Variants in USP14 observed in about 807,000 individuals in gnomAD.
USP14 encodes ubiquitin carboxyl-terminal hydrolase 14.
USP14 carries 38 observed loss-of-function variants against 76.5 expected under a neutral mutation model. The observed-to-expected ratio is 0.50, with a 90% CI of 0.38 to 0.65. The LOEUF is 0.65. USP14 is among the 30% of genes least tolerant of loss of function. The probability of loss-of-function intolerance (pLI) is 0.00; values close to 1 mark genes in which losing one functional copy is unlikely to be tolerated. For synonymous variants in USP14, 192 were observed against 191.7 expected (o/e 1.00, Z -0.01); for missense variants, 467 against 586.5 (o/e 0.80, Z 2.10).
At chr18:175,499 C>T (rs1909602966) in intron 3 of USP14, among the ~76,000 whole-genome samples, 1 of 152,128 alleles carries the variant, frequency 6.6e-6, no homozygotes, top group South Asian at 2.1e-4. Context: ...TATATCATTT[C>T]TTCCTCTCAT....
chr18:168,938 A>T (rs962680435), intron 3 of USP14, among the ~76,000 whole-genome samples: 1 of 151,570 alleles, frequency 6.6e-6, no homozygotes, highest in African/African-American at 2.4e-5. Flanking sequence ...TTAGCCGTGC[A>T]TGGTGGCAGG....
chr18:164,960 T>C (rs1909226781), intron 2 of USP14, among the ~76,000 whole-genome samples: 1 of 152,134 alleles, frequency 6.6e-6, no homozygotes, highest in South Asian at 2.1e-4. Flanking sequence ...ATTATTATTT[T>C]TTTTGGGATT....
At chr18:210,604 C>G (rs1008476389) in intron 15 of USP14, 111 bp downstream of exon 15, 3 of 627,146 alleles carry the variant, frequency 4.8e-6, no homozygotes, top group East Asian at 3.1e-5. Context: ...ACTTTACATT[C>G]TTGAAGCCCC....
intron 3 of USP14, among the ~76,000 whole-genome samples, chr18:171,050 A>ATATATATATATATG (rs1568416852): frequency 7.1e-6 from 1 of 140,096 alleles, no homozygotes; most frequent in African/African-American, 2.7e-5. Context: ...ATATATATAT[A>ATATATATATATATG]TATATAAACT....
chr18:197,803 G>A (rs1910279326), intron 8 of USP14, 107 bp downstream of exon 8: 1 of 855,936 alleles, frequency 1.2e-6, no homozygotes, highest in Non-Finnish European at 1.8e-6. Context: ...ATAGGTAGAT[G>A]TGTATTTAAA....
rs1910712590 is a variant in USP14, at chr18:212,943, A to C, written c.*1659A>C. The C allele has an allele frequency of 6.6e-6, 1 of 152,238 alleles. No homozygotes were observed. The highest frequency in any genetic ancestry group is 6.5e-5 in the Admixed American group (1 of 15,282). 9.4% of individuals were successfully genotyped at this position (152,238 alleles called of 1,614,324 possible). A position where few individuals can be genotyped will look rare whatever the true frequency, so the allele number is the denominator to read the frequency against. On this transcript the variant is annotated 3_prime_UTR_variant, in exon 16 of 16. Coordinates refer to ENST00000261601, the MANE Select transcript of USP14 (RefSeq NM_005151.4). ...GAAAATAACAGCCATTTTACTTTCA[A>C]ATCTGATGTGATGCAATCTGTGAAC...
At chr18:205,840 A>G (rs182124906) in intron 13 of USP14, among the ~76,000 whole-genome samples, 1 of 152,196 alleles carries the variant, frequency 6.6e-6, no homozygotes, top group African/African-American at 2.4e-5. Flanking sequence ...AACCTTTCTC[A>G]CTCAGCATAA....
chr18:196,677 C>G lies in USP14; in HGVS notation c.504C>G (p.Ser168=), dbSNP rs1256097020. The G allele has an allele frequency of 1.2e-6, 2 of 1,613,692 alleles. No individual in the cohort carries two copies. The highest frequency in any genetic ancestry group is 2.7e-5 in the African/African-American group (2 of 74,876). ...TTGATTCCATGGATAAAACTTCTTC[C>G]AGTATTCCACCTATTATTCTACTGC... ...DLFDSMDKTS[S]SIPPIILLQF... is the part of the protein sequence containing the mutation. The change falls in exon 7 of 16, where the codon TCC becomes TCG. Residue 168 remains serine, a synonymous_variant. Transcript: ENST00000261601.
At chr18:176,250 A>C (rs565791349) in intron 3 of USP14, among the ~76,000 whole-genome samples, 164 of 151,980 alleles carry the variant, frequency 1.1e-3, no homozygotes, top group Non-Finnish European at 1.9e-3. Context: ...AATTTTTTAA[A>C]ATTTTGAAAA....
rs1392086806 is a variant in USP14 at position 199,210 on chromosome 18, G to A, written c.770G>A (p.Cys257Tyr). Reference sequence around the variant, plus strand: ...TATCTTAGTTTACAAAGCATGAAATGTACAGAATCTGAAGAAGAAGAAGTC... The same window carrying A: ...TATCTTAGTTTACAAAGCATGAAATATACAGAATCTGAAGAAGAAGAAGTC... ...FGVEFETTMK[C>Y]TESEEEEVTK... The change falls in exon 10 of 16, where the codon TGT becomes TAT. Residue 257 changes from cysteine (C) to tyrosine (Y), a missense_variant. Physicochemically the swap from Cys to Tyr is radical, Grantham distance 194 (BLOSUM62 -2). Coordinates refer to ENST00000261601, the MANE Select transcript of USP14 (RefSeq NM_005151.4). 3 of 1,611,506 alleles carry A rather than the reference G, an allele frequency of 1.9e-6. No homozygotes were observed. The highest frequency in any genetic ancestry group is 1.3e-5 in the African/African-American group (1 of 74,972).
chr18:213,463 C>CTAT lies in USP14; in HGVS notation c.*2181_*2183dup, dbSNP rs891458560. On this transcript the variant is annotated 3_prime_UTR_variant, in exon 16 of 16. Transcript: ENST00000261601. The stretch of plus-strand genomic sequence containing the variant: ...CCAGTGTTGTTTTTAACTAATAAGG[C>CTAT]TATTTTAGAATTCAGCCTTGCCTGT... The CTAT allele has an allele frequency of 3.3e-5, 5 of 151,782 alleles. No individual in the cohort carries two copies. Among genetic ancestry groups the CTAT allele is most frequent in the Admixed American group, 6.6e-5 (1 of 15,184 alleles). The allele number at this position is 151,782 out of a possible 1,614,324, so 9.4% of individuals were successfully genotyped here. A position where few individuals can be genotyped will look rare whatever the true frequency, so the allele number is the denominator to read the frequency against.
intron 13 of USP14, among the ~76,000 whole-genome samples, chr18:208,353 G>C (rs1414084958): frequency 6.6e-6 from 1 of 151,968 alleles, no homozygotes; most frequent in East Asian, 1.9e-4. Context: ...GATCCATCCC[G>C]TTTCATTGCT....
At chr18:185,149 T>C (rs1019390709) in intron 5 of USP14, among the ~76,000 whole-genome samples, 1 of 151,918 alleles carries the variant, frequency 6.6e-6, no homozygotes, top group Non-Finnish European at 1.5e-5. Flanking sequence ...TTTCATTTTT[T>C]TTTTCTTATT....
At chr18:210,189 A>T in intron 14 of USP14, 158 bp downstream of exon 14, 1 of 718,536 alleles carries the variant, frequency 1.4e-6, no homozygotes, top group African/African-American at 1.8e-5. Flanking sequence ...AAATTTACTC[A>T]TTGGCATACA....
At chr18:162,471 C>T (rs1385792783) in intron 1 of USP14, among the ~76,000 whole-genome samples, 1 of 152,096 alleles carries the variant, frequency 6.6e-6, no homozygotes, top group Non-Finnish European at 1.5e-5. Context: ...AATTGAGCAC[C>T]TCTTGTTCAG....
intron 1 of USP14, 145 bp from the exon 2 acceptor site, chr18:163,163 C>T (rs976415231): frequency 1.5e-5 from 10 of 646,316 alleles, no homozygotes; most frequent in South Asian, 2.6e-5. Context: ...CATGCATGCT[C>T]CTCTTGATTA....
At chr18:200,496 C>G (rs1053084745) in intron 10 of USP14, among the ~76,000 whole-genome samples, 1 of 152,190 alleles carries the variant, frequency 6.6e-6, no homozygotes, top group African/African-American at 2.4e-5. Flanking sequence ...ACCTAATTGG[C>G]TTTTGGCAGA....
chr18:204,745 G>C, intron 13 of USP14, 53 bp downstream of exon 13: 1 of 1,578,646 alleles, frequency 6.3e-7, no homozygotes, highest in African/African-American at 1.4e-5. Flanking sequence ...TCCCATCAGT[G>C]CTCAGCAATT....
rs1910629025 is a variant in USP14 at position 210,035 on chromosome 18, A to G, written c.1225+4A>G. ...GAACCCTTTTCTTTTGCTGATGGTAAGTAACATTCTCATTTTAATTGAGTT... is the reference window on the plus strand; with the variant it reads ...GAACCCTTTTCTTTTGCTGATGGTAGGTAACATTCTCATTTTAATTGAGTT... On this transcript the variant is annotated splice_donor_region_variant and intron_variant, in intron 14 of 15. Coordinates refer to ENST00000261601, the MANE Select transcript of USP14 (RefSeq NM_005151.4). 1 of 1,596,938 alleles carries G rather than the reference A, an allele frequency of 6.3e-7. No individual in the cohort carries two copies. The highest frequency in any genetic ancestry group is 1.3e-5 in the African/African-American group (1 of 74,086).
Sources: allele counts gnomAD v4.1 joint callset (sites outside exome capture counted in the v4.1 genomes callset), GRCh38; gene constraint gnomAD v4.1.1; transcripts MANE v1.5; gene names NCBI Gene and HGNC (gene_info 2026-07-23, HGNC 2026-07-21).